Variants in SPIDR observed in about 807,000 individuals in gnomAD.
SPIDR encodes the protein DNA repair-scaffolding protein.
A neutral mutation model predicts 104.6 loss-of-function variants in SPIDR; 93 were observed. That is an observed-to-expected ratio of 0.89 (90% confidence interval 0.75 to 1.06). The LOEUF (loss-of-function observed/expected upper bound fraction) is 1.06. Among genes scored for constraint, SPIDR ranks in the 50% least tolerant of loss-of-function variants. The probability of loss-of-function intolerance (pLI) is 0.00; values close to 1 mark genes in which losing one functional copy is unlikely to be tolerated. For missense variants in SPIDR, 1,154 were observed against 1,111.2 expected (o/e 1.04, Z -0.55); for synonymous variants, 431 against 416.9 (o/e 1.03, Z -0.41).
At chr8:47,735,059 G>A (rs1328054383) in intron 19 of SPIDR, among the ~76,000 whole-genome samples, 1 of 152,022 alleles carries the variant, frequency 6.6e-6, no homozygotes, top group South Asian at 2.1e-4. Flanking sequence ...CCAGAATGGG[G>A]TAGTTCCTTC....
At chr8:47,299,947 A>G (rs2041729631) in intron 5 of SPIDR, among the ~76,000 whole-genome samples, 1 of 152,198 alleles carries the variant, frequency 6.6e-6, no homozygotes, top group African/African-American at 2.4e-5. Context: ...CTTTGGTATC[A>G]GGATGATGCT....
chr8:47,304,504 TA>T (rs1213393078), intron 5 of SPIDR, among the ~76,000 whole-genome samples: 19 of 151,944 alleles, frequency 1.3e-4, no homozygotes, highest in African/African-American at 3.6e-4. Flanking sequence ...TCGTCTCTAT[TA>T]AAAAAAATTA....
chr8:47,487,124 C>G (rs2077773025), intron 8 of SPIDR, among the ~76,000 whole-genome samples: 1 of 152,134 alleles, frequency 6.6e-6, no homozygotes, highest in Admixed American at 6.5e-5. Context: ...TGCAGAGACA[C>G]ACATAGGCTC....
chr8:47,719,521 TAGAA>T (rs898017352), intron 16 of SPIDR, among the ~76,000 whole-genome samples: 4 of 150,600 alleles, frequency 2.7e-5, no homozygotes, highest in East Asian at 1.9e-4. Flanking sequence ...AAAAAAAAAA[TAGAA>T]AGCATATAAG....
intron 7 of SPIDR, among the ~76,000 whole-genome samples, chr8:47,426,463 A>G (rs2066435210): frequency 6.6e-6 from 1 of 152,118 alleles, no homozygotes; most frequent in Admixed American, 6.6e-5. Flanking sequence ...TTAAGCAACA[A>G]GTAGATTATC....
At chr8:47,309,747 G>A (rs1554583672) in intron 5 of SPIDR, among the ~76,000 whole-genome samples, 2 of 152,154 alleles carry the variant, frequency 1.3e-5, no homozygotes, top group Admixed American at 6.5e-5. Flanking sequence ...ATGTTAAAAA[G>A]TAGTAAGTTG....
At chr8:47,648,323 A>G (rs2070958481) in intron 10 of SPIDR, among the ~76,000 whole-genome samples, 1 of 152,230 alleles carries the variant, frequency 6.6e-6, no homozygotes, top group South Asian at 2.1e-4. Context: ...TTCAGGAGGG[A>G]GAACAGAGTT....
chr8:47,575,122 G>A (rs2058928206), intron 8 of SPIDR, among the ~76,000 whole-genome samples: 1 of 152,070 alleles, frequency 6.6e-6, no homozygotes, highest in African/African-American at 2.4e-5. Context: ...ATAAAAATTA[G>A]CCTAAGTAGA....
chr8:47,457,008 G>T (rs1172461414), intron 8 of SPIDR, among the ~76,000 whole-genome samples: 1 of 152,130 alleles, frequency 6.6e-6, no homozygotes, highest in Non-Finnish European at 1.5e-5. Flanking sequence ...CTCGTTGATT[G>T]GTGGGCATTT....
At chr8:47,576,866 T>C (rs1251167928) in intron 8 of SPIDR, among the ~76,000 whole-genome samples, 2 of 152,254 alleles carry the variant, frequency 1.3e-5, no homozygotes, top group Admixed American at 6.5e-5. Flanking sequence ...TTAGGTGATA[T>C]TATGGCTTGT....
At chr8:47,327,358 A>G (rs1554600968) in intron 5 of SPIDR, among the ~76,000 whole-genome samples, 3 of 149,180 alleles carry the variant, frequency 2.0e-5, no homozygotes. Context: ...TGACTGGCAA[A>G]TGTTTTCTCA....
At chr8:47,665,382 A>T (rs924279147) in intron 10 of SPIDR, among the ~76,000 whole-genome samples, 10 of 152,152 alleles carry the variant, frequency 6.6e-5, no homozygotes, top group African/African-American at 2.4e-4. Flanking sequence ...TTGAACACTA[A>T]TTGTTTTATC....
intron 5 of SPIDR, among the ~76,000 whole-genome samples, chr8:47,331,074 T>C (rs1380479779): frequency 6.6e-6 from 1 of 152,248 alleles, no homozygotes; most frequent in Non-Finnish European, 1.5e-5. Flanking sequence ...CTCAGTGTTG[T>C]TTAAATTTGC....
chr8:47,443,442 G>A (rs1268254115), intron 8 of SPIDR, among the ~76,000 whole-genome samples: 5 of 151,742 alleles, frequency 3.3e-5, no homozygotes, highest in South Asian at 4.2e-4. Flanking sequence ...TGGGTGGTGC[G>A]TGCCTGTGGT....
intron 5 of SPIDR, among the ~76,000 whole-genome samples, chr8:47,386,888 GAGAAAGAGAGAGAGAGATATAGATAT>G (rs2059971216): frequency 3.2e-5 from 2 of 62,044 alleles, no homozygotes; most frequent in Non-Finnish European, 3.4e-5. Context: ...GAGAGAGAGA[GAGAAAGAGAGAGAGAGATATAGATAT>G]AGATATAGAT....
At chr8:47,405,819 A>G (rs1416479645) in intron 6 of SPIDR, among the ~76,000 whole-genome samples, 2 of 152,170 alleles carry the variant, frequency 1.3e-5, no homozygotes, top group Non-Finnish European at 2.9e-5. Flanking sequence ...TTTTTACTAG[A>G]AATAGGATTG....
In SPIDR at chr8:47,440,509, G is replaced by T; in HGVS notation, c.1064G>T (p.Arg355Leu). ...GAGACTGCAGGCTACCTCAGGGGCC[G>T]TCCCCAGGACACTGTCCGGATCTTC... ...TKETAGYLRG[R>L]PQDTVRIFPP... Residue 355 changes from arginine to leucine, a missense_variant, in exon 8 of 20, where the codon CGT becomes CTT. Arg to Leu is a moderately radical substitution (Grantham distance 102). Coordinates refer to ENST00000297423, the MANE Select transcript of SPIDR (RefSeq NM_001080394.4). 6 of 1,614,186 alleles carry T rather than the reference G, an allele frequency of 3.7e-6. No homozygotes were observed. Among genetic ancestry groups the T allele is most frequent in the Non-Finnish European group, 5.1e-6 (6 of 1,180,018 alleles).
chr8:47,587,499 G>A (rs1253037257), intron 8 of SPIDR, among the ~76,000 whole-genome samples: 2 of 151,636 alleles, frequency 1.3e-5, no homozygotes, highest in African/African-American at 2.4e-5. Context: ...CCAGCTACCC[G>A]AGAGGCTGAG....
chr8:47,712,631 A>T, intron 14 of SPIDR, 31 bp from the exon 15 acceptor site: 1 of 1,590,942 alleles, frequency 6.3e-7, no homozygotes, highest in African/African-American at 1.4e-5. Flanking sequence ...TTGGTATAAT[A>T]ATTAATCTTT....
Sources: gnomAD v4.1 joint callset for allele counts (sites outside exome capture counted in the v4.1 genomes callset) on GRCh38, gnomAD v4.1.1 for gene constraint, MANE v1.5 for transcripts, NCBI Gene and HGNC (gene_info 2026-07-23, HGNC 2026-07-21) for gene names.